The following PLEC variants were observed in gnomAD, a reference collection of about 807,000 sequenced individuals.
The protein encoded by PLEC is plectin.
PLEC carries 216 observed loss-of-function variants against 392.8 expected under a neutral mutation model. That is an observed-to-expected ratio of 0.55 (90% CI 0.49 to 0.62). The LOEUF (loss-of-function observed/expected upper bound fraction) is 0.62. Among genes scored for constraint, PLEC ranks in the 20% least tolerant of loss-of-function variants. The pLI, the probability that PLEC is intolerant of heterozygous loss-of-function variation, is 0.00. For synonymous variants in PLEC, 3,621 were observed against 2,980.6 expected, an observed-to-expected ratio of 1.21 and a Z score of -7.00; for missense variants, 6,863 against 6,563.4, an observed-to-expected ratio of 1.05 and a Z score of -1.58.
chr8:143,975,731 TCTTA>T (rs1833639087), upstream of PLEC, among the ~76,000 whole-genome samples: 1 of 150,844 alleles, frequency 6.6e-6, no homozygotes, highest in African/African-American at 2.4e-5. The surrounding 1 kb of genome is among the most constrained non-coding windows in gnomAD (Gnocchi z 9.9). Context: ...CACTCTCCTC[TCTTA>T]GTCACCCACA....
In PLEC at chr8:143,917,700, G is replaced by A. The variant is rs1298714272; in HGVS notation, c.12121C>T (p.Arg4041Cys). 6 of 1,613,544 alleles carry A rather than the reference G, an allele frequency of 3.7e-6. No individual in the cohort carries two copies. The highest frequency in any genetic ancestry group is 2.2e-5 in the East Asian group (1 of 44,876). ...KGLILKDHGI[R>C]LLEAQIATGG... is the part of the protein sequence containing the mutation. The stretch of plus-strand genomic sequence containing the variant: ...GTGGCGATCTGGGCCTCCAGCAGGC[G>A]GATGCCATGGTCCTTCAGGATCAGG... Residue 4041 changes from arginine to cysteine, a missense_variant, in exon 32 of 32, where the codon CGC (arginine) becomes TGC (cysteine). Transcript: ENST00000345136.
intron 2 of PLEC, 150 bp downstream of exon 2, chr8:143,938,481 G>A (rs1245294310): frequency 3.9e-6 from 6 of 1,543,310 alleles, no homozygotes; most frequent in East Asian, 4.7e-5. Context: ...GCAGGCGTAG[G>A]GAAGAAAGAG....
intron 30 of PLEC, 79 bp from the exon 31 acceptor site, chr8:143,925,963 C>G: frequency 7.0e-7 from 1 of 1,421,290 alleles, no homozygotes; most frequent in Non-Finnish European, 9.6e-7. Context: ...CGCACCGGCA[C>G]AGTTCACTCA....
chr8:143,927,146 A>G (rs1825503792), intron 28 of PLEC, 65 bp from the exon 29 acceptor site: 1 of 1,556,154 alleles, frequency 6.4e-7, no homozygotes, highest in Non-Finnish European at 8.8e-7. Flanking sequence ...CAGCCCCTAA[A>G]CCCTCACATG....
At chr8:143,951,640 G>A (rs554606421), upstream of PLEC, among the ~76,000 whole-genome samples, 3 of 152,236 alleles carry the variant, frequency 2.0e-5, no homozygotes, top group Admixed American at 2.0e-4. Flanking sequence ...CTCCAACCCA[G>A]CTGTTGGAGG....
chr8:143,934,494 G>A (rs1554720935), intron 10 of PLEC, 49 bp from the exon 11 acceptor site: 1 of 1,607,134 alleles, frequency 6.2e-7, no homozygotes, highest in East Asian at 2.2e-5. Context: ...GGCAGGGGGT[G>A]GGGCGCTGGG....
intron 1 of PLEC, chr8:143,945,269 A>C (rs569334666): frequency 2.1e-6 from 1 of 484,706 alleles, no homozygotes; most frequent in African/African-American, 2.0e-5. Context: ...GCCCCACAGC[A>C]CAGCCTCTCC....
upstream of PLEC, among the ~76,000 whole-genome samples, chr8:143,943,029 G>A (rs530072316): frequency 2.0e-4 from 30 of 152,334 alleles, no homozygotes; most frequent in African/African-American, 6.7e-4. Context: ...TGGGGAAGAA[G>A]CCCTCAGCCC....
At chr8:143,975,035 TG>T, upstream of PLEC, 1 of 942,274 alleles carries the variant, frequency 1.1e-6, no homozygotes, top group Non-Finnish European at 1.6e-6. The surrounding 1 kb of genome is among the most constrained non-coding windows in gnomAD (Gnocchi z 9.9). Context: ...TGCACTCACC[TG>T]GGACGCGCGA....
intron 15 of PLEC, 37 bp from the exon 16 acceptor site, chr8:143,932,598 C>T (rs1827688931): frequency 1.2e-6 from 2 of 1,612,154 alleles, no homozygotes; most frequent in East Asian, 2.2e-5. Flanking sequence ...AGGCCGCGGG[C>T]TACCCACCTC....
intron 16 of PLEC, 45 bp downstream of exon 16, chr8:143,932,355 T>C: frequency 6.2e-7 from 1 of 1,610,674 alleles, no homozygotes. Context: ...AGGGCACAGC[T>C]GGGGAGGGGG....
Position 143,925,453 on chromosome 8 carries a change from C to A in PLEC, c.4476G>T (p.Ala1492=), listed in dbSNP as rs55646585. The A allele has an allele frequency of 6.3e-7, 1 of 1,596,016 alleles. No individual in the cohort carries two copies. The highest frequency in any genetic ancestry group is 2.2e-5 in the East Asian group (1 of 44,810). ...TCCGCAAGCGCTCGGCCTCCTCCTG[C>A]GCCTGTCGCTTTTGTGCCTCAGCCT... is the stretch of plus-strand genomic sequence containing the variant. ...AEEAEAQKRQ[A]QEEAERLRRQ... Residue 1492 remains alanine, a synonymous_variant, in exon 31 of 32, where the codon GCG becomes GCT. Coordinates refer to ENST00000345136, the MANE Select transcript of PLEC (RefSeq NM_201384.3).
upstream of PLEC, chr8:143,943,666 C>T (rs978074913): frequency 2.0e-6 from 2 of 1,014,680 alleles, no homozygotes; most frequent in Non-Finnish European, 3.0e-6. Context: ...ACACTGCTTT[C>T]ACTGACATTC....
rs374516885 is a variant in PLEC at position 143,944,724 on chromosome 8, A to G, written c.523+5460T>C. The G allele has an allele frequency of 2.3e-5, 29 of 1,275,038 alleles. No homozygotes were observed. In the East Asian group the frequency reaches 4.0e-4, roughly 17 times the overall value. 79.0% of individuals were successfully genotyped at this position (1,275,038 alleles called of 1,614,324 possible). On this transcript the variant is annotated intron_variant, in intron 1 of 31. Coordinates refer to the PLEC transcript ENST00000322810. ...GCGGGCCAGGGGTGTGGGAGGTCAC[A>G]GGCCCCTCGGAGGAGGCACAAGCCA...
intron 1 of PLEC, chr8:143,944,787 G>A (rs1554731172): frequency 9.5e-7 from 1 of 1,047,750 alleles, no homozygotes; most frequent in Non-Finnish European, 1.2e-6. Context: ...GCACGGCCGT[G>A]CTGCTGTCAG....
intron 1 of PLEC, among the ~76,000 whole-genome samples, chr8:143,959,566 G>A (rs6558408): frequency 0.69 from 104,814 of 152,222 alleles, 38,026 homozygotes; most frequent in African/African-American, 0.92. Flanking sequence ...ACAAGTTCCC[G>A]TCAGACAGCG....
chr8:143,921,843 C>T lies in PLEC; in HGVS notation c.7978G>A (p.Glu2660Lys). 6.2e-7 allele frequency: 1 copy of T among 1,605,532 alleles called. No individual in the cohort carries two copies. The highest frequency in any genetic ancestry group is 8.5e-7 in the Non-Finnish European group (1 of 1,179,766). Residue 2660 changes from glutamate (E) to lysine (K), a missense_variant, in exon 32 of 32, where the codon GAG (glutamate) becomes AAG (lysine). Transcript: ENST00000345136. Reference sequence around the variant, plus strand: ...TCCTCCGCACTCAGGATGCCGGCCTCCTGCAGCCTCTGAGCTGACACCTTC... The same window carrying T: ...TCCTCCGCACTCAGGATGCCGGCCTTCTGCAGCCTCTGAGCTGACACCTTC... The part of the protein sequence containing the change: ...RRKVSAQRLQ[E>K]AGILSAEELQ...
intron 1 of PLEC, among the ~76,000 whole-genome samples, chr8:143,967,207 CA>C (rs1291759184): frequency 4.6e-5 from 7 of 151,344 alleles, no homozygotes; most frequent in Admixed American, 4.6e-4. Flanking sequence ...ACTAAAAATA[CA>C]AAAAATTAGC....
At position 143,919,872 on chromosome 8, in the gene PLEC, G is replaced by A. The variant is rs1554679765; in HGVS notation, c.9949C>T (p.Leu3317Phe). The change falls in exon 32 of 32, where the codon CTC (leucine) becomes TTC (phenylalanine). Residue 3317 changes from leucine to phenylalanine, a missense_variant. Leu to Phe is a conservative substitution (Grantham distance 22, BLOSUM62 0). Coordinates refer to ENST00000345136, the MANE Select transcript of PLEC (RefSeq NM_201384.3). ...GLRAPVPASELLASGVLSRAQ... is the reference protein window; with the variant it reads ...GLRAPVPASEFLASGVLSRAQ... ...CTGCTGAGGACCCCGGAAGCCAGGA[G>A]CTCGCTGGCTGGCACAGGGGCACGG... 6.2e-7 allele frequency: 1 copy of A among 1,613,170 alleles called. No homozygotes were observed.
Sources: allele counts gnomAD v4.1 joint callset (sites outside exome capture counted in the v4.1 genomes callset), GRCh38; gene constraint gnomAD v4.1.1; non-coding constraint Gnocchi (gnomAD v3.1); transcripts MANE v1.5; gene names NCBI Gene and HGNC (gene_info 2026-07-23, HGNC 2026-07-21).